Variants in PLXNA1 observed in about 807,000 individuals in gnomAD.
The protein encoded by PLXNA1 is plexin A1.
In PLXNA1, 77 loss-of-function variants were observed where a neutral mutation model predicts 191.7. The observed-to-expected ratio is 0.40, with a 90% CI of 0.33 to 0.49. The LOEUF (loss-of-function observed/expected upper bound fraction) is 0.49, where lower values mean the gene tolerates loss of function less well. Ranked by LOEUF, PLXNA1 falls within the 20% of genes least tolerant of loss-of-function variation. The probability of loss-of-function intolerance (pLI) is 0.63; values close to 1 mark genes in which losing one functional copy is unlikely to be tolerated. For missense variants in PLXNA1, 2,110 were observed against 2,660.2 expected (o/e 0.79, Z 4.55); for synonymous variants, 1,137 against 1,156.4 (o/e 0.98, Z 0.34).
chr3:126,985,743 G>A (rs550849400), intron 1 of PLXNA1, among the ~76,000 whole-genome samples: 1 of 152,254 alleles, frequency 6.6e-6, no homozygotes, highest in Non-Finnish European at 1.5e-5. Context: ...CAGGCTGGCT[G>A]GCTGGTCCAG....
At position 127,028,000 on chromosome 3, in the gene PLXNA1, G is replaced by A. The variant is rs2079185305; in HGVS notation, c.4423G>A (p.Gly1475Ser). Reference protein sequence around the residue: ...YCAIKQQMEKGPIDAITGEAR... With the variant: ...YCAIKQQMEKSPIDAITGEAR... ...CGCCATCAAGCAGCAGATGGAGAAGGGCCCCATTGACGCCATCACGGGTGA... is the reference window on the plus strand; with the variant it reads ...CGCCATCAAGCAGCAGATGGAGAAGAGCCCCATTGACGCCATCACGGGTGA... The change falls in exon 24 of 32, where the codon GGC (glycine) becomes AGC (serine). Residue 1475 changes from glycine to serine, a missense_variant. Gly to Ser is a moderately conservative substitution (Grantham distance 56). Transcript: ENST00000393409. 6.2e-7 allele frequency: 1 copy of A among 1,613,988 alleles called. No homozygotes were observed. The highest frequency in any genetic ancestry group is 8.5e-7 in the Non-Finnish European group (1 of 1,180,008).
intron 3 of PLXNA1, among the ~76,000 whole-genome samples, chr3:126,993,408 G>A (rs778863949): frequency 1.3e-5 from 2 of 152,208 alleles, no homozygotes; most frequent in Non-Finnish European, 2.9e-5. Context: ...TGCTCCCTGG[G>A]CCAGGTGCCT....
chr3:127,021,297 A>G (rs2079151100), intron 21 of PLXNA1, among the ~76,000 whole-genome samples: 1 of 152,114 alleles, frequency 6.6e-6, no homozygotes, highest in Non-Finnish European at 1.5e-5. Flanking sequence ...TGTCTGTCAC[A>G]CTGTCTCTCT....
chr3:126,986,532 A>T (rs2078960004), intron 1 of PLXNA1, among the ~76,000 whole-genome samples: 1 of 152,110 alleles, frequency 6.6e-6, no homozygotes, highest in African/African-American at 2.4e-5. Context: ...CCGCACCCAG[A>T]CCTGGCTGGC....
At chr3:127,008,536 C>T (rs1467618009) in intron 9 of PLXNA1, among the ~76,000 whole-genome samples, 1 of 152,222 alleles carries the variant, frequency 6.6e-6, no homozygotes, top group African/African-American at 2.4e-5. Flanking sequence ...CCAGGGCCCA[C>T]AGGTGCTGAG....
At position 126,983,225 on chromosome 3, in the gene PLXNA1, G is replaced by T. The variant is rs1479509786; in HGVS notation, c.-136G>T. ...GCGGCCCCGCGGCGGGGCGGACGGC[G>T]GCGGCGGCGCGGGCGGCTGGGCGCG... On this transcript the variant is annotated 5_prime_UTR_variant, in exon 1 of 32. Coordinates refer to ENST00000393409, the MANE Select transcript of PLXNA1 (RefSeq NM_032242.4). Among the ~76,000 whole-genome samples the T allele has an allele frequency of 2.1e-5, 3 of 144,538 alleles. No homozygotes were observed. The highest frequency in any genetic ancestry group is 3.1e-5 in the Non-Finnish European group (2 of 65,204). 94.8% of individuals were successfully genotyped at this position (144,538 alleles called of 152,430 possible).
intron 20 of PLXNA1, among the ~76,000 whole-genome samples, chr3:127,019,529 AG>A (rs937298608): frequency 1.7e-4 from 26 of 152,310 alleles, no homozygotes; most frequent in African/African-American, 5.5e-4. Flanking sequence ...GCTCCAGGCC[AG>A]CCAGGTGCAG....
At position 127,014,136 on chromosome 3, in the gene PLXNA1, G is replaced by A. The variant is rs531800253; in HGVS notation, c.2410+20G>A. The A allele has an allele frequency of 6.2e-7, 1 of 1,613,308 alleles. No homozygotes were observed. Among genetic ancestry groups the A allele is most frequent in the East Asian group, 2.2e-5 (1 of 44,872 alleles). The stretch of plus-strand genomic sequence containing the variant: ...TCCAGGGTGAGTGGGCGCCCCGGCG[G>A]GGTGGGCAGTGGGCGGGCCCGAGCT... On this transcript the variant is annotated intron_variant, in intron 11 of 31. Transcript: ENST00000393409.
rs1387375306 is a variant in PLXNA1, at chr3:127,030,237, C to G, written c.5062-6C>G. 3 of 1,612,844 alleles carry G rather than the reference C, an allele frequency of 1.9e-6. No homozygotes were observed. Among genetic ancestry groups the G allele is most frequent in the East Asian group, 2.2e-5 (1 of 44,870 alleles). Reference sequence around the variant, plus strand: ...GGGGCTCAGTGTCCCTGCCTGCCCCCCGCAGGGCACACTGCAGAAGTTTGT... The same window carrying G: ...GGGGCTCAGTGTCCCTGCCTGCCCCGCGCAGGGCACACTGCAGAAGTTTGT... On this transcript the variant is annotated splice_polypyrimidine_tract_variant and splice_region_variant and intron_variant, in intron 28 of 31. Transcript: ENST00000393409.
In PLXNA1 at chr3:127,028,176, C is replaced by T. The variant is rs369712501; in HGVS notation, c.4510-5C>T. On this transcript the variant is annotated splice_region_variant and splice_polypyrimidine_tract_variant and intron_variant, in intron 24 of 31. Transcript: ENST00000393409. ...CGCTGCCCCCTTGCTCCACCCCGCCCGCAGACCCTGAACTGTGTGAACCCT... is the reference window on the plus strand; with the variant it reads ...CGCTGCCCCCTTGCTCCACCCCGCCTGCAGACCCTGAACTGTGTGAACCCT... The T allele has an allele frequency of 3.1e-4, 495 of 1,613,254 alleles. 2 individuals carry two copies. The African/African-American group carries it at 5.3e-3, about 17-fold the overall frequency.
chr3:126,993,221 G>A (rs979103085), intron 3 of PLXNA1, among the ~76,000 whole-genome samples: 3 of 152,202 alleles, frequency 2.0e-5, no homozygotes, highest in African/African-American at 7.2e-5. Flanking sequence ...GTACAGAACA[G>A]GGAACTGCAG....
intron 3 of PLXNA1, among the ~76,000 whole-genome samples, chr3:126,997,688 A>AGCG (rs1476157222): frequency 6.6e-6 from 1 of 152,146 alleles, no homozygotes; most frequent in East Asian, 1.9e-4. Context: ...GGATGCAGGG[A>AGCG]GCGACCTGCT....
Position 127,027,975 on chromosome 3 carries a change from C to T in PLXNA1, c.4398C>T (p.Cys1466=), listed in dbSNP as rs763030218. The change falls in exon 24 of 32, where the codon TGC becomes TGT. Residue 1466 remains cysteine (C), a synonymous_variant. Transcript: ENST00000393409. ...GGGAGCCGCTGTTCATGCTGTACTG[C>T]GCCATCAAGCAGCAGATGGAGAAGG... The part of the protein sequence containing the change: ...CAGEPLFMLY[C]AIKQQMEKGP... 3.3e-5 allele frequency: 53 copies of T among 1,613,718 alleles called. No individual in the cohort carries two copies. Among genetic ancestry groups the T allele is most frequent in the South Asian group, 8.8e-5 (8 of 91,088 alleles).
intron 9 of PLXNA1, among the ~76,000 whole-genome samples, chr3:127,011,115 C>T (rs1356895558): frequency 6.6e-6 from 1 of 152,234 alleles, no homozygotes; most frequent in African/African-American, 2.4e-5. Flanking sequence ...GGTATGGCCA[C>T]TGTGCGTGCC....
rs188507219 is a variant in PLXNA1, at chr3:127,012,087, A to G, written c.2242A>G (p.Ile748Val). Residue 748 changes from isoleucine to valine, a missense_variant, in exon 10 of 32, where the codon ATC becomes GTC. Transcript: ENST00000393409. The part of the protein sequence containing the change: ...GQRGYECLFH[I>V]PGSPARVTAL... Reference sequence around the variant, plus strand: ...GCGTGGATATGAGTGCCTCTTCCACATCCCGGGCAGCCCGGCCCGTGTCAC... The same window carrying G: ...GCGTGGATATGAGTGCCTCTTCCACGTCCCGGGCAGCCCGGCCCGTGTCAC... 72 of 1,613,638 alleles carry G rather than the reference A, an allele frequency of 4.5e-5. No individual in the cohort carries two copies. The Admixed American group carries it at 7.8e-4, about 18-fold the overall frequency.
Position 127,014,016 on chromosome 3 carries a change from A to G in PLXNA1, c.2314-4A>G. 6.2e-7 allele frequency: 1 copy of G among 1,613,408 alleles called. No homozygotes were observed. Among genetic ancestry groups the G allele is most frequent in the East Asian group, 2.2e-5 (1 of 44,870 alleles). On this transcript the variant is annotated splice_region_variant and splice_polypyrimidine_tract_variant and intron_variant, in intron 10 of 31. Transcript: ENST00000393409. ...GGAAGCCTGACGGTGCCATCACCTA[A>G]CAGTACTCCTACGAGGGGAACGATG... is the stretch of plus-strand genomic sequence containing the variant.
At chr3:127,028,367 G>C (rs780408762) in intron 25 of PLXNA1, 27 bp downstream of exon 25, 1 of 1,597,974 alleles carries the variant, frequency 6.3e-7, no homozygotes, top group East Asian at 2.2e-5. Flanking sequence ...ACGGCTGCCC[G>C]GGGTGTGTGC....
intron 20 of PLXNA1, among the ~76,000 whole-genome samples, chr3:127,019,874 C>T (rs1425274952): frequency 6.6e-6 from 1 of 152,168 alleles, no homozygotes; most frequent in South Asian, 2.1e-4. Flanking sequence ...CACCTCACAG[C>T]GGGTGGAAGG....
intron 9 of PLXNA1, among the ~76,000 whole-genome samples, chr3:127,008,535 A>C (rs1174868140): frequency 6.6e-6 from 1 of 152,196 alleles, no homozygotes; most frequent in Non-Finnish European, 1.5e-5. Context: ...CCCAGGGCCC[A>C]CAGGTGCTGA....
Sources: gnomAD v4.1 joint callset for allele counts (sites outside exome capture counted in the v4.1 genomes callset) on GRCh38, gnomAD v4.1.1 for gene constraint, MANE v1.5 for transcripts, NCBI Gene and HGNC (gene_info 2026-07-23, HGNC 2026-07-21) for gene names.